Variants in ANO3 observed in about 807,000 individuals in gnomAD.
ANO3 encodes anoctamin-3.
ANO3 carries 99 observed loss-of-function variants against 144.8 expected under a neutral mutation model. The observed-to-expected ratio is 0.68, with a 90% confidence interval of 0.58 to 0.81. The LOEUF is 0.81. Ranked by LOEUF, ANO3 falls within the 30% of genes least tolerant of loss-of-function variation. The probability of loss-of-function intolerance (pLI) is 0.00; values close to 1 mark genes in which losing one functional copy is unlikely to be tolerated. For synonymous variants in ANO3, 414 were observed against 392.6 expected, an observed-to-expected ratio of 1.05 and a Z score of -0.64; for missense variants, 905 against 1,202.2, an observed-to-expected ratio of 0.75 and a Z score of 3.66.
intron 1 of ANO3, among the ~76,000 whole-genome samples, chr11:26,355,663 G>A (rs1185372238): frequency 2.0e-5 from 3 of 151,544 alleles, no homozygotes; most frequent in South Asian, 4.2e-4. Flanking sequence ...AGATACAAGC[G>A]ATTCTTCTGC....
intron 1 of ANO3, among the ~76,000 whole-genome samples, chr11:26,202,947 G>T (rs146650333): frequency 2.6e-5 from 4 of 152,080 alleles, no homozygotes; most frequent in Non-Finnish European, 4.4e-5. Context: ...ACAGACAGTC[G>T]TTAAATGAGT....
chr11:26,315,306 C>A (rs554865854), intron 1 of ANO3, among the ~76,000 whole-genome samples: 38 of 152,264 alleles, frequency 2.5e-4, no homozygotes, highest in African/African-American at 8.7e-4. Context: ...CTCAATTCTC[C>A]TCAGTTTTTC....
chr11:26,261,513 T>C (rs1376476857), intron 1 of ANO3, among the ~76,000 whole-genome samples: 1 of 152,204 alleles, frequency 6.6e-6, no homozygotes, highest in Non-Finnish European at 1.5e-5. Flanking sequence ...CTTCCCACTG[T>C]ATAAATTTCC....
At chr11:26,615,163 C>T (rs570968244) in intron 17 of ANO3, among the ~76,000 whole-genome samples, 261 of 146,502 alleles carry the variant, frequency 1.8e-3, no homozygotes, top group African/African-American at 5.8e-3. Context: ...GAATGAAATG[C>T]ATTTTCTTTT....
At chr11:26,463,740 A>G (rs1859499989) in intron 4 of ANO3, among the ~76,000 whole-genome samples, 3 of 152,018 alleles carry the variant, frequency 2.0e-5, no homozygotes, top group Non-Finnish European at 2.9e-5. Flanking sequence ...GCCATCCCTC[A>G]AACAAAATGC....
intron 14 of ANO3, among the ~76,000 whole-genome samples, chr11:26,592,132 A>G (rs768353323): frequency 3.9e-5 from 6 of 152,112 alleles, no homozygotes; most frequent in Non-Finnish European, 7.4e-5. Context: ...GGTCAAACAC[A>G]AGGTCATTGG....
intron 1 of ANO3, among the ~76,000 whole-genome samples, chr11:26,358,633 T>TA (rs1855848332): frequency 6.6e-6 from 1 of 152,304 alleles, no homozygotes; most frequent in African/African-American, 2.4e-5. Flanking sequence ...TTAGCCTTCT[T>TA]AAATATGTGG....
At chr11:26,268,957 A>G (rs953776691) in intron 1 of ANO3, among the ~76,000 whole-genome samples, 6 of 152,182 alleles carry the variant, frequency 3.9e-5, no homozygotes. Flanking sequence ...GACTTTCCCT[A>G]AAACTCACAG....
Position 26,643,266 on chromosome 11 carries a change from T to C in ANO3, c.2360T>C (p.Ile787Thr). The change falls in exon 23 of 27, where the codon ATC (isoleucine) becomes ACC (threonine). Residue 787 changes from isoleucine (I) to threonine (T), a missense_variant. Transcript: ENST00000256737. ...LLALLNNIIEIRLDAYKFVTQ... is the reference protein window; with the variant it reads ...LLALLNNIIETRLDAYKFVTQ... ...GCTTTGTTAAACAATATCATTGAAATCAGGCTGGATGCATACAAATTTGTC... is the reference window on the plus strand; with the variant it reads ...GCTTTGTTAAACAATATCATTGAAACCAGGCTGGATGCATACAAATTTGTC... 1.2e-6 allele frequency: 2 copies of C among 1,614,214 alleles called. No homozygotes were observed. Among genetic ancestry groups the C allele is most frequent in the Non-Finnish European group, 1.7e-6 (2 of 1,180,036 alleles).
intron 23 of ANO3, among the ~76,000 whole-genome samples, chr11:26,646,337 A>G (rs1853345162): frequency 6.6e-6 from 1 of 152,176 alleles, no homozygotes; most frequent in African/African-American, 2.4e-5. Context: ...AGCTATAAAT[A>G]TAAATATGTA....
rs540114734 is a variant in ANO3 at position 26,597,163 on chromosome 11, G to C, written c.1448-1202G>C. ...ACGGGCCACCAAATGTTACCGGCGG[G>C]TCTTTGTTCTTAGAGTTCCCAAGAT... is the stretch of plus-strand genomic sequence containing the variant. On this transcript the variant is annotated intron_variant, in intron 14 of 26. Coordinates refer to ENST00000256737, the MANE Select transcript of ANO3 (RefSeq NM_031418.4). 5.1e-4 allele frequency among the ~76,000 whole-genome samples: 78 copies of C among 152,260 alleles called. 1 individual carries two copies. The highest frequency in any genetic ancestry group is 1.7e-3 in the African/African-American group (72 of 41,566).
chr11:26,563,086 C>T lies in ANO3; in HGVS notation c.1447+3307C>T, dbSNP rs760404877. ...TCCTCATTTAATTAAAACCACTGTG[C>T]CCAGGTGAAGTATTGAAAATAGATT... is the stretch of plus-strand genomic sequence containing the variant. On this transcript the variant is annotated intron_variant, in intron 14 of 26. Transcript: ENST00000256737. 7 of 1,606,314 alleles carry T rather than the reference C, an allele frequency of 4.4e-6. No individual in the cohort carries two copies. In the South Asian group the frequency reaches 7.8e-5, roughly 18 times the overall value.
chr11:26,319,340 T>C (rs1056393273), intron 1 of ANO3, among the ~76,000 whole-genome samples: 10 of 152,028 alleles, frequency 6.6e-5, no homozygotes, highest in Non-Finnish European at 8.8e-5. Flanking sequence ...TCTTCTTCCA[T>C]CCTCCCATCT....
At chr11:26,418,010 T>C (rs1857641849) in intron 1 of ANO3, among the ~76,000 whole-genome samples, 1 of 152,150 alleles carries the variant, frequency 6.6e-6, no homozygotes, top group African/African-American at 2.4e-5. Flanking sequence ...TGTTTTCTTC[T>C]AGCATTAGTA....
chr11:26,295,009 C>T (rs1230864710), intron 1 of ANO3, among the ~76,000 whole-genome samples: 1 of 152,088 alleles, frequency 6.6e-6, no homozygotes, highest in African/African-American at 2.4e-5. Context: ...AGCGATTCCC[C>T]TGCCTCAGCC....
At chr11:26,503,489 C>T (rs1001402991) in intron 4 of ANO3, among the ~76,000 whole-genome samples, 2 of 151,994 alleles carry the variant, frequency 1.3e-5, no homozygotes, top group East Asian at 1.9e-4. Flanking sequence ...CACTATTAAC[C>T]TTAAAATGAT....
chr11:26,285,302 T>C (rs1029143798), intron 1 of ANO3, among the ~76,000 whole-genome samples: 1 of 152,190 alleles, frequency 6.6e-6, no homozygotes, highest in African/African-American at 2.4e-5. Flanking sequence ...AGCATCTAAA[T>C]TAAACTGTGA....
intron 1 of ANO3, among the ~76,000 whole-genome samples, chr11:26,207,793 C>T (rs1851838135): frequency 6.6e-6 from 1 of 152,056 alleles, no homozygotes; most frequent in African/African-American, 2.4e-5. Context: ...ATTGAAATCT[C>T]TGCAAATGAA....
At chr11:26,584,902 G>A (rs1851234259) in intron 14 of ANO3, among the ~76,000 whole-genome samples, 2 of 152,200 alleles carry the variant, frequency 1.3e-5, no homozygotes, top group Admixed American at 6.5e-5. Flanking sequence ...TTTTTAAGTT[G>A]AGAAGAGGGT....
Sources: allele counts gnomAD v4.1 joint callset (sites outside exome capture counted in the v4.1 genomes callset), GRCh38; gene constraint gnomAD v4.1.1; transcripts MANE v1.5; gene names NCBI Gene and HGNC (gene_info 2026-07-23, HGNC 2026-07-21).